SYN3: variants seen among roughly 807,000 people sequenced by gnomAD.
SYN3 encodes synapsin III, also known as synapsin-3.
In SYN3, 35 loss-of-function variants were observed where a neutral mutation model predicts 65.8. That is an observed-to-expected ratio of 0.53 (90% CI 0.41 to 0.70). SYN3 has a LOEUF of 0.70. Ranked by LOEUF, SYN3 falls within the 30% of genes least tolerant of loss-of-function variation. SYN3 has a pLI of 0.00. For missense variants in SYN3, 680 were observed against 749.0 expected, an observed-to-expected ratio of 0.91 and a Z score of 1.08; for synonymous variants, 270 against 292.9, an observed-to-expected ratio of 0.92 and a Z score of 0.80.
At chr22:32,608,094 C>T (rs566182842) in intron 6 of SYN3, among the ~76,000 whole-genome samples, 93 of 152,298 alleles carry the variant, frequency 6.1e-4, no homozygotes, top group Admixed American at 1.2e-3. Context: ...GATGGAGTCT[C>T]GCTCTGTCTG....
At chr22:32,826,257 C>A (rs952005672) in intron 6 of SYN3, among the ~76,000 whole-genome samples, 3 of 151,984 alleles carry the variant, frequency 2.0e-5, no homozygotes, top group African/African-American at 7.3e-5. Flanking sequence ...GGTGAAACTC[C>A]ATCTCTACTA....
At chr22:32,727,186 T>G (rs972825062) in intron 6 of SYN3, among the ~76,000 whole-genome samples, 1 of 152,144 alleles carries the variant, frequency 6.6e-6, no homozygotes, top group Admixed American at 6.5e-5. Context: ...TTCCCCCATG[T>G]GTCCTTGTGT....
intron 12 of SYN3, among the ~76,000 whole-genome samples, chr22:32,522,355 T>G (rs2057899143): frequency 6.6e-6 from 1 of 152,174 alleles, no homozygotes; most frequent in African/African-American, 2.4e-5. Flanking sequence ...AAATAATATC[T>G]CTTTATCAAG....
At chr22:32,950,609 C>T (rs1490312475) in intron 3 of SYN3, among the ~76,000 whole-genome samples, 2 of 152,148 alleles carry the variant, frequency 1.3e-5, no homozygotes, top group East Asian at 3.8e-4. Flanking sequence ...GCTATTTTTT[C>T]ATAGTTGTCA....
rs2057718829 is a variant in SYN3 at position 32,513,511 on chromosome 22, T to G, written c.*181A>C. On this transcript the variant is annotated 3_prime_UTR_variant, in exon 14 of 14. Transcript: ENST00000358763. ...ACCTCACAGTCAGACAATGCTGGAA[T>G]GTCACGGTGAAGGAAAATGGGAACA... The G allele has an allele frequency of 8.8e-6, 7 of 799,784 alleles. No individual in the cohort carries two copies. In the Admixed American group the frequency reaches 2.0e-4, roughly 23 times the overall value. 49.5% of individuals were successfully genotyped at this position (799,784 alleles called of 1,614,324 possible).
chr22:32,752,651 G>A (rs763039832), intron 6 of SYN3, among the ~76,000 whole-genome samples: 1 of 152,148 alleles, frequency 6.6e-6, no homozygotes, highest in Non-Finnish European at 1.5e-5. Flanking sequence ...CACCACCCCA[G>A]AAGGGCATCC....
chr22:32,632,869 G>T (rs768593154), intron 6 of SYN3, among the ~76,000 whole-genome samples: 3 of 152,212 alleles, frequency 2.0e-5, no homozygotes, highest in African/African-American at 7.2e-5. Context: ...GGGGACCGCC[G>T]TGGATGTCTT....
intron 6 of SYN3, among the ~76,000 whole-genome samples, chr22:32,771,426 T>C (rs2045767152): frequency 2.0e-5 from 3 of 152,204 alleles, no homozygotes; most frequent in Admixed American, 2.0e-4. Flanking sequence ...GTGCACTGCA[T>C]CTGTAACACA....
intron 6 of SYN3, among the ~76,000 whole-genome samples, chr22:32,653,846 A>G (rs1050413808): frequency 1.3e-5 from 2 of 152,220 alleles, no homozygotes; most frequent in Admixed American, 1.3e-4. Context: ...GAGGATTAGA[A>G]TGAATGCCCA....
intron 6 of SYN3, among the ~76,000 whole-genome samples, chr22:32,633,567 C>T (rs1338024064): frequency 4.6e-5 from 7 of 152,086 alleles, no homozygotes; most frequent in Non-Finnish European, 8.8e-5. Context: ...TCAGGTGGTA[C>T]GCCGAGGACA....
chr22:32,722,090 T>G (rs1400545257), intron 6 of SYN3, among the ~76,000 whole-genome samples: 1 of 152,000 alleles, frequency 6.6e-6, no homozygotes, highest in East Asian at 1.9e-4. Context: ...GACGGTTCAA[T>G]GCATCTCGAA....
chr22:33,007,700 G>C (rs943299257), intron 1 of SYN3, among the ~76,000 whole-genome samples: 19 of 152,292 alleles, frequency 1.2e-4, no homozygotes, highest in Admixed American at 9.8e-4. Flanking sequence ...CCTGACCTTG[G>C]ACTTCCCAGC....
At chr22:32,869,330 TTCTCTCTCTCTCTCTCTC>T (rs59752570) in intron 4 of SYN3, among the ~76,000 whole-genome samples, 5 of 120,970 alleles carry the variant, frequency 4.1e-5, no homozygotes, top group Non-Finnish European at 6.9e-5. Flanking sequence ...ACTATATATA[TTCTCTCTCTCTCTCTCTC>T]TCTCTCTCTC....
chr22:32,955,352 G>A (rs979681124), intron 3 of SYN3, among the ~76,000 whole-genome samples: 2 of 152,062 alleles, frequency 1.3e-5, no homozygotes, highest in African/African-American at 4.8e-5. Flanking sequence ...GTGCATGGAA[G>A]TGCCATTTCA....
At chr22:32,596,264 G>C (rs1393317264) in intron 7 of SYN3, among the ~76,000 whole-genome samples, 1 of 152,144 alleles carries the variant, frequency 6.6e-6, no homozygotes, top group African/African-American at 2.4e-5. Flanking sequence ...AAATTACCCA[G>C]TTCCAGGTAT....
chr22:32,640,080 T>A (rs1398910245), intron 6 of SYN3, among the ~76,000 whole-genome samples: 1 of 152,214 alleles, frequency 6.6e-6, no homozygotes, highest in Non-Finnish European at 1.5e-5. Context: ...TTGCACCTGC[T>A]TTCCTCCAAC....
intron 4 of SYN3, among the ~76,000 whole-genome samples, chr22:32,910,065 G>T (rs1046767502): frequency 6.6e-6 from 1 of 152,176 alleles, no homozygotes; most frequent in Non-Finnish European, 1.5e-5. Flanking sequence ...AAAAGCCACT[G>T]CTCTGGGAAA....
chr22:32,905,723 C>T (rs2049884579), intron 4 of SYN3, among the ~76,000 whole-genome samples: 1 of 152,182 alleles, frequency 6.6e-6, no homozygotes, highest in African/African-American at 2.4e-5. Context: ...TGTGTGGCTG[C>T]AAGAGCCTGT....
intron 6 of SYN3, among the ~76,000 whole-genome samples, chr22:32,778,514 G>C (rs130533): frequency 4.0e-4 from 60 of 151,872 alleles, no homozygotes; most frequent in African/African-American, 1.4e-3. Flanking sequence ...GGCTGGTCTC[G>C]AACTCCTGAC....
Sources: allele counts gnomAD v4.1 joint callset (sites outside exome capture counted in the v4.1 genomes callset), GRCh38; gene constraint gnomAD v4.1.1; transcripts MANE v1.5; gene names NCBI Gene and HGNC (gene_info 2026-07-23, HGNC 2026-07-21).